The following OTUD7B variants were observed in gnomAD, a reference collection of about 807,000 sequenced individuals.
OTUD7B encodes OTU domain-containing protein 7B.
In OTUD7B, 34 loss-of-function variants were observed where a neutral mutation model predicts 82.2. That is an observed-to-expected ratio of 0.41 (90% CI 0.31 to 0.55). OTUD7B has a LOEUF of 0.55. Ranked by LOEUF, OTUD7B falls within the 20% of genes least tolerant of loss-of-function variation. The pLI is 0.20. For synonymous variants in OTUD7B, 398 were observed against 402.7 expected, an observed-to-expected ratio of 0.99 and a Z score of 0.14; for missense variants, 944 against 1,062.1, an observed-to-expected ratio of 0.89 and a Z score of 1.55.
At chr1:150,065,411 A>C in the OTUD7B span, among the ~76,000 whole-genome samples, 96 of 152,210 alleles carry the variant, frequency 6.3e-4, no homozygotes, top group Middle Eastern at 3.4e-3. Context: ...TCTATCCTTA[A>C]AGCACTGATT....
the OTUD7B span, among the ~76,000 whole-genome samples, chr1:150,019,756 T>A: frequency 5.9e-5 from 9 of 152,334 alleles, no homozygotes; most frequent in African/African-American, 1.7e-4. Flanking sequence ...GTTGGCACGA[T>A]CCATCCCTAG....
chr1:149,953,216 A>G (rs1184392867), intron 7 of OTUD7B, among the ~76,000 whole-genome samples: 1 of 152,170 alleles, frequency 6.6e-6, no homozygotes, highest in Non-Finnish European at 1.5e-5. Flanking sequence ...TCTTGAGTTA[A>G]CTTTTTTATA....
chr1:150,016,452 CTTT>C, the OTUD7B span, among the ~76,000 whole-genome samples: 15 of 106,620 alleles, frequency 1.4e-4, 1 homozygote, highest in Non-Finnish European at 2.4e-4. Flanking sequence ...TTTTCTTTTT[CTTT>C]TTTTTTTTTT....
At chr1:150,031,285 CT>C in the OTUD7B span, among the ~76,000 whole-genome samples, 1 of 152,196 alleles carries the variant, frequency 6.6e-6, no homozygotes, top group African/African-American at 2.4e-5. Flanking sequence ...CTGCATTATA[CT>C]CCTCATTAAC....
chr1:149,944,565 C>T lies in OTUD7B; in HGVS notation c.1824G>A (p.Lys608=). The change falls in exon 12 of 12, where the codon AAG becomes AAA. Residue 608 remains lysine (K), a synonymous_variant. Coordinates refer to ENST00000581312, the MANE Select transcript of OTUD7B (RefSeq NM_020205.4). ...ILRTAMQGEG[K]FIFVGTLKMG... ...TCTTCAGGGTTCCAACAAAAATAAA[C>T]TTCCCCTCCCCTTGCATGGCAGTCC... 6.2e-7 allele frequency: 1 copy of T among 1,614,100 alleles called. No homozygotes were observed. The highest frequency in any genetic ancestry group is 8.5e-7 in the Non-Finnish European group (1 of 1,180,006).
intron 7 of OTUD7B, among the ~76,000 whole-genome samples, chr1:149,956,221 G>A (rs1319418935): frequency 6.6e-6 from 1 of 152,134 alleles, no homozygotes; most frequent in Non-Finnish European, 1.5e-5. Flanking sequence ...CTCTTGTAAG[G>A]CAGGCCTGGT....
intron 7 of OTUD7B, among the ~76,000 whole-genome samples, chr1:149,954,861 T>C (rs1346164300): frequency 6.6e-6 from 1 of 152,198 alleles, no homozygotes; most frequent in Non-Finnish European, 1.5e-5. Context: ...TGATGGAAGT[T>C]TGTATTTCTG....
intron 1 of OTUD7B, among the ~76,000 whole-genome samples, chr1:149,997,998 C>T (rs782381751): frequency 5.3e-5 from 8 of 152,182 alleles, no homozygotes; most frequent in Non-Finnish European, 1.2e-4. Context: ...GAGCCAGACT[C>T]AGTACCTTTC....
the OTUD7B span, among the ~76,000 whole-genome samples, chr1:150,023,614 G>A: frequency 6.6e-6 from 1 of 152,206 alleles, no homozygotes; most frequent in African/African-American, 2.4e-5. Context: ...TAGAATGGTG[G>A]TTACCAGAGG....
intron 7 of OTUD7B, among the ~76,000 whole-genome samples, chr1:149,956,526 C>G (rs1393617077): frequency 6.6e-6 from 1 of 152,156 alleles, no homozygotes; most frequent in Non-Finnish European, 1.5e-5. Flanking sequence ...AGTTGCTCTT[C>G]TCAAGGAGTA....
rs368495159 is a variant in OTUD7B, at chr1:149,944,228, C to A, written c.2161G>T (p.Val721Phe). Residue 721 changes from valine to phenylalanine, a missense_variant, in exon 12 of 12, where the codon GTC becomes TTC. Val to Phe is a conservative substitution (Grantham distance 50). Coordinates refer to ENST00000581312, the MANE Select transcript of OTUD7B (RefSeq NM_020205.4). ...PRRQLAGGPC[V>F]GGLPPYATFP... ...GTGGCATATGGTGGTAGGCCCCCGA[C>A]ACATGGACCCCCTGCCAACTGCCTC... 144 of 1,612,716 alleles carry A rather than the reference C, an allele frequency of 8.9e-5. No homozygotes were observed. Among genetic ancestry groups the A allele is most frequent in the Non-Finnish European group, 1.1e-4 (130 of 1,179,208 alleles).
intron 5 of OTUD7B, among the ~76,000 whole-genome samples, chr1:149,964,710 C>T (rs1398145279): frequency 6.6e-6 from 1 of 151,856 alleles, no homozygotes; most frequent in East Asian, 1.9e-4. Flanking sequence ...TCTCCTGCTT[C>T]AGCCTCCCGA....
At position 149,972,381 on chromosome 1, in the gene OTUD7B, C is replaced by G. The variant is rs933169202; in HGVS notation, c.86-1130G>C. 2.0e-5 allele frequency among the ~76,000 whole-genome samples: 3 copies of G among 152,166 alleles called. No individual in the cohort carries two copies. The East Asian group carries it at 5.8e-4, about 29-fold the overall frequency. On this transcript the variant is annotated intron_variant, in intron 2 of 11. Transcript: ENST00000581312. The stretch of plus-strand genomic sequence containing the variant: ...ATCACTGACCTTGCTGTTCCTAGAA[C>G]ATGCTAAGTCCACTCTCACTCTAGG...
chr1:150,058,686 C>T, the OTUD7B span, among the ~76,000 whole-genome samples: 2 of 152,142 alleles, frequency 1.3e-5, no homozygotes, highest in Admixed American at 6.5e-5. Context: ...AAAGTTTGAT[C>T]AACATTTCCC....
chr1:150,023,455 G>A, the OTUD7B span, among the ~76,000 whole-genome samples: 3 of 152,284 alleles, frequency 2.0e-5, no homozygotes, highest in African/African-American at 7.2e-5. Context: ...ATACCAGAGA[G>A]CCTTGAAGAA....
At position 149,949,676 on chromosome 1, in the gene OTUD7B, A is replaced by G. The variant is rs782585042; in HGVS notation, c.1076T>C (p.Phe359Ser). 5 of 1,614,074 alleles carry G rather than the reference A, an allele frequency of 3.1e-6. No homozygotes were observed. Reference protein sequence around the residue: ...PLVLAYDQAHFSALVSMEQKE... With the variant: ...PLVLAYDQAHSSALVSMEQKE... The stretch of plus-strand genomic sequence containing the variant: ...CTGCTCCATGGACACGAGTGCAGAA[A>G]AGTGGGCCTGATCATAGGCGAGCAC... Residue 359 changes from phenylalanine (F) to serine (S), a missense_variant, in exon 9 of 12, where the codon TTT (phenylalanine) becomes TCT (serine). Coordinates refer to ENST00000581312, the MANE Select transcript of OTUD7B (RefSeq NM_020205.4).
At position 149,996,071 on chromosome 1, in the gene OTUD7B, C is replaced by T. The variant is rs587648099; in HGVS notation, c.-67+14377G>A. Among the ~76,000 whole-genome samples the T allele has an allele frequency of 6.6e-4, 100 of 152,346 alleles. 1 individual carries two copies. The highest frequency in any genetic ancestry group is 1.2e-3 in the Non-Finnish European group (85 of 68,034). On this transcript the variant is annotated intron_variant, in intron 1 of 11. Transcript: ENST00000581312. Reference sequence around the variant, plus strand: ...GGAAAACAAAAAAAATTCCAACTCGCATGACCACATTACAATGTTAACAAC... The same window carrying T: ...GGAAAACAAAAAAAATTCCAACTCGTATGACCACATTACAATGTTAACAAC...
intron 1 of OTUD7B, among the ~76,000 whole-genome samples, chr1:149,991,772 T>C (rs1651583748): frequency 6.6e-6 from 1 of 152,188 alleles, no homozygotes; most frequent in African/African-American, 2.4e-5. Context: ...TAGCCCTCAA[T>C]TTTCCATGGG....
chr1:150,026,866 G>A, the OTUD7B span, among the ~76,000 whole-genome samples: 47 of 152,208 alleles, frequency 3.1e-4, no homozygotes, highest in African/African-American at 8.2e-4. Context: ...ATATGTCTCC[G>A]ATTACTGCTT....
Sources: allele counts gnomAD v4.1 joint callset (sites outside exome capture counted in the v4.1 genomes callset), GRCh38; gene constraint gnomAD v4.1.1; transcripts MANE v1.5; gene names NCBI Gene and HGNC (gene_info 2026-07-23, HGNC 2026-07-21).